NCR1: variants seen among roughly 807,000 people sequenced by gnomAD.
NCR1 encodes natural cytotoxicity triggering receptor 1.
In NCR1, 30 loss-of-function variants were observed where a neutral mutation model predicts 32.5. The observed-to-expected ratio is 0.92, with a 90% CI of 0.69 to 1.25. NCR1 has a LOEUF of 1.25. Ranked by LOEUF, NCR1 falls within the 50% of genes most tolerant of loss-of-function variation. The pLI is 0.00. For missense variants in NCR1, 369 were observed against 380.7 expected (o/e 0.97, Z 0.26); for synonymous variants, 169 against 143.4 (o/e 1.18, Z -1.28).
At chr19:54,933,725 C>T in the NCR1 span, 160 of 1,614,002 alleles carry the variant, frequency 9.9e-5, no homozygotes, top group Non-Finnish European at 1.2e-4. Context: ...TTCTGTAAGA[C>T]GACAGTTTTC....
intron 4 of NCR1, 27 bp from the exon 5 acceptor site, chr19:54,909,991 C>CA: frequency 7.1e-7 from 1 of 1,411,836 alleles, no homozygotes; most frequent in African/African-American, 1.4e-5. Context: ...AAAACCCTTA[C>CA]TTTTTTTTCT....
upstream of NCR1, among the ~76,000 whole-genome samples, chr19:54,902,046 A>T (rs2067310561): frequency 6.6e-6 from 1 of 152,234 alleles, no homozygotes; most frequent in Non-Finnish European, 1.5e-5. Flanking sequence ...TCACTGGTAA[A>T]ACAAGTGGTG....
upstream of NCR1, among the ~76,000 whole-genome samples, chr19:54,904,811 C>T (rs4806617): frequency 0.056 from 8,508 of 152,154 alleles, 299 homozygotes; most frequent in Middle Eastern, 0.12. Flanking sequence ...GGATGACAGG[C>T]CTGAGCCACC....
At chr19:54,936,738 AG>A in the NCR1 span, among the ~76,000 whole-genome samples, 2 of 152,082 alleles carry the variant, frequency 1.3e-5, no homozygotes, top group Non-Finnish European at 2.9e-5. Context: ...AACATGGGGA[AG>A]CCCCGTCTCT....
chr19:54,920,638 T>A (rs2068228775), downstream of NCR1, among the ~76,000 whole-genome samples: 2 of 152,070 alleles, frequency 1.3e-5, no homozygotes, highest in Non-Finnish European at 2.9e-5. Flanking sequence ...ACAAGCCTGG[T>A]CAATACAGCA....
At chr19:54,923,920 T>C in the NCR1 span, 1 of 1,595,942 alleles carries the variant, frequency 6.3e-7, no homozygotes, top group South Asian at 1.1e-5. Flanking sequence ...CATTCTCAAC[T>C]ACCCAGGATG....
At chr19:54,900,905 C>G in the NCR1 span, among the ~76,000 whole-genome samples, 1 of 151,648 alleles carries the variant, frequency 6.6e-6, no homozygotes, top group East Asian at 1.9e-4. Context: ...CCGTGAATAC[C>G]ACAAAATTTA....
chr19:54,901,197 G>A (rs113027319), upstream of NCR1, among the ~76,000 whole-genome samples: 31 of 150,160 alleles, frequency 2.1e-4, 1 homozygote, highest in African/African-American at 6.6e-4. Flanking sequence ...GGCTGAGGCA[G>A]GAGAATGGCA....
the NCR1 span, chr19:54,934,692 G>A: frequency 6.3e-7 from 1 of 1,587,222 alleles, no homozygotes; most frequent in Non-Finnish European, 8.6e-7. The surrounding 1 kb of genome is among the most constrained non-coding windows in gnomAD (Gnocchi z 6.7). Context: ...CATTCTTCTG[G>A]GAGGACAGAG....
chr19:54,920,768 G>A (rs1000942368), downstream of NCR1, among the ~76,000 whole-genome samples: 4 of 152,186 alleles, frequency 2.6e-5, no homozygotes, highest in African/African-American at 9.7e-5. Context: ...AGTGAGCTAA[G>A]ATCGCACCAT....
At chr19:54,916,533 C>G (rs1486954622), downstream of NCR1, among the ~76,000 whole-genome samples, 1 of 151,022 alleles carries the variant, frequency 6.6e-6, no homozygotes, top group Non-Finnish European at 1.5e-5. Context: ...TGGTCTCAAA[C>G]TCCTGGTCTC....
At chr19:54,903,498 G>T (rs587742516), upstream of NCR1, among the ~76,000 whole-genome samples, 580 of 135,896 alleles carry the variant, frequency 4.3e-3, 17 homozygotes, top group African/African-American at 0.015. Context: ...ATACATATAT[G>T]TATGTATACA....
At chr19:54,930,701 C>T in the NCR1 span, 1 of 1,590,804 alleles carries the variant, frequency 6.3e-7, no homozygotes. Context: ...AGCCTGTTAT[C>T]CCTCTGGCTA....
At chr19:54,929,455 A>G in the NCR1 span, among the ~76,000 whole-genome samples, 34 of 152,168 alleles carry the variant, frequency 2.2e-4, no homozygotes, top group Admixed American at 1.5e-3. Flanking sequence ...TTCTCTTTGC[A>G]TTAGGATTGC....
chr19:54,912,100 C>T, intron 5 of NCR1, 68 bp from the exon 6 acceptor site: 1 of 1,374,266 alleles, frequency 7.3e-7, no homozygotes, highest in South Asian at 1.2e-5. Context: ...GGGGTAGACC[C>T]AAGGGAAGGA....
At chr19:54,934,597 T>C in the NCR1 span, 12 of 1,614,126 alleles carry the variant, frequency 7.4e-6, no homozygotes, top group Non-Finnish European at 1.0e-5. The surrounding 1 kb of genome is among the most constrained non-coding windows in gnomAD (Gnocchi z 6.7). Flanking sequence ...CAGGGACTGG[T>C]TGGCTTTGAG....
In NCR1 at chr19:54,909,804, G is replaced by A. The variant is rs587628262; in HGVS notation, c.635-214G>A. On this transcript the variant is annotated intron_variant, in intron 4 of 6. Coordinates refer to ENST00000291890, the MANE Select transcript of NCR1 (RefSeq NM_004829.7). ...ACAGAAATTAGCCAGACGCAGTGGC[G>A]GACACCTGTAGTCCCAGCTACTCAG... 1.3e-4 allele frequency among the ~76,000 whole-genome samples: 20 copies of A among 151,444 alleles called. No homozygotes were observed. The East Asian group carries it at 3.5e-3, about 27-fold the overall frequency.
chr19:54,927,751 A>G, the NCR1 span: 9 of 1,614,092 alleles, frequency 5.6e-6, no homozygotes, highest in Middle Eastern at 1.6e-4. Context: ...GACAATAGAA[A>G]GGCATGAGGG....
the NCR1 span, chr19:54,934,624 G>A: frequency 7.4e-6 from 12 of 1,613,914 alleles, no homozygotes; most frequent in East Asian, 4.5e-5. This position sits in a 1 kb window ranked among gnomAD's most constrained non-coding sequence, Gnocchi z 6.7. Context: ...GAAGAATTCA[G>A]CCCACTGCTC....
Sources: allele counts gnomAD v4.1 joint callset (sites outside exome capture counted in the v4.1 genomes callset), GRCh38; gene constraint gnomAD v4.1.1; non-coding constraint Gnocchi (gnomAD v3.1); transcripts MANE v1.5; gene names NCBI Gene and HGNC (gene_info 2026-07-23, HGNC 2026-07-21).